Variants in MAP3K20 observed in about 807,000 individuals in gnomAD.
The protein encoded by MAP3K20 is mitogen-activated protein kinase kinase kinase 20.
A neutral mutation model predicts 85.7 loss-of-function variants in MAP3K20; 40 were observed. That is an observed-to-expected ratio of 0.47 (90% CI 0.36 to 0.61). MAP3K20 has a LOEUF of 0.61. MAP3K20 is among the 20% of genes least tolerant of loss of function. MAP3K20 has a pLI of 0.00. For missense variants in MAP3K20, 817 were observed against 961.7 expected (o/e 0.85, Z 1.99); for synonymous variants, 325 against 327.7 (o/e 0.99, Z 0.09).
chr2:173,110,988 T>C (rs1377113926), intron 2 of MAP3K20, among the ~76,000 whole-genome samples: 1 of 152,214 alleles, frequency 6.6e-6, no homozygotes, highest in Admixed American at 6.5e-5. Context: ...TACTTTTAGT[T>C]CTTTAAGGAA....
intron 2 of MAP3K20, among the ~76,000 whole-genome samples, chr2:173,125,238 CTCTTA>C (rs1424924406): frequency 4.6e-5 from 7 of 152,204 alleles, no homozygotes; most frequent in Non-Finnish European, 8.8e-5. Context: ...CTTATAGAAT[CTCTTA>C]TCTTCTAAAA....
At chr2:173,259,115 T>C (rs1685228917) in intron 17 of MAP3K20, among the ~76,000 whole-genome samples, 1 of 152,184 alleles carries the variant, frequency 6.6e-6, no homozygotes, top group African/African-American at 2.4e-5. Flanking sequence ...GGAGGGAAAA[T>C]GTGAACGATG....
intron 3 of MAP3K20, among the ~76,000 whole-genome samples, chr2:173,170,481 T>C (rs753410351): frequency 5.9e-5 from 9 of 152,220 alleles, no homozygotes; most frequent in Non-Finnish European, 1.2e-4. Flanking sequence ...GACACATATC[T>C]TCAATACTTT....
At chr2:173,197,907 C>T in intron 7 of MAP3K20, 119 bp from the exon 8 acceptor site, 1 of 662,762 alleles carries the variant, frequency 1.5e-6, no homozygotes, top group Non-Finnish European at 2.4e-6. Flanking sequence ...CAAGTTTCTA[C>T]AGTTGGGGTT....
At chr2:173,242,699 CTTTTTTTTTT>C (rs68173816) in intron 16 of MAP3K20, among the ~76,000 whole-genome samples, 1 of 80,968 alleles carries the variant, frequency 1.2e-5, no homozygotes. Flanking sequence ...AGTAATCTTT[CTTTTTTTTTT>C]TTTTTTTTTT....
rs752039099 is a variant in MAP3K20, at chr2:173,263,866, ATGGCAACCC to A, written c.1677_1685del (p.Asn560_Gly562del). On this transcript the variant is annotated inframe_deletion, in exon 19 of 20. Coordinates refer to ENST00000375213, the MANE Select transcript of MAP3K20 (RefSeq NM_016653.3). ...ATTCAGACATTATTCACCAATTCAG[ATGGCAACCC>A]TGGAAGCAGGTCCGACTCAAGTAAG... The A allele has an allele frequency of 6.2e-7, 1 of 1,612,384 alleles. No homozygotes were observed. Among genetic ancestry groups the A allele is most frequent in the Non-Finnish European group, 8.5e-7 (1 of 1,179,548 alleles).
In MAP3K20 at chr2:173,167,279, A is replaced by G. The variant is rs372519142; in HGVS notation, c.160-2526A>G. Reference sequence around the variant, plus strand: ...TATAAAGGCAAAATCCAGAGAGTATATCTGCTTGCTGTCAGAGGGTGATTG... The same window carrying G: ...TATAAAGGCAAAATCCAGAGAGTATGTCTGCTTGCTGTCAGAGGGTGATTG... On this transcript the variant is annotated intron_variant, in intron 2 of 19. Transcript: ENST00000375213. Among the ~76,000 whole-genome samples the G allele has an allele frequency of 6.6e-5, 10 of 152,144 alleles. No homozygotes were observed. In the East Asian group the frequency reaches 1.9e-3, roughly 29 times the overall value.
chr2:173,203,587 A>G, intron 8 of MAP3K20, among the ~76,000 whole-genome samples: 1 of 152,196 alleles, frequency 6.6e-6, no homozygotes, highest in Non-Finnish European at 1.5e-5. Flanking sequence ...CGTTCACTAC[A>G]GTTCCCTTTC....
intron 10 of MAP3K20, 61 bp downstream of exon 10, chr2:173,209,896 T>C: frequency 1.5e-6 from 2 of 1,356,146 alleles, no homozygotes; most frequent in Admixed American, 1.7e-5. Flanking sequence ...CTCGTCTCAA[T>C]GAAGAAGTGA....
chr2:173,263,373 T>C (rs1034171647), intron 18 of MAP3K20, among the ~76,000 whole-genome samples: 2 of 152,246 alleles, frequency 1.3e-5, no homozygotes, highest in African/African-American at 4.8e-5. Context: ...ATAGAAGATG[T>C]AATTTTTTAT....
intron 2 of MAP3K20, among the ~76,000 whole-genome samples, chr2:173,097,874 A>G (rs914888484): frequency 2.0e-5 from 3 of 152,214 alleles, no homozygotes; most frequent in Non-Finnish European, 4.4e-5. Flanking sequence ...AGCTTTTATT[A>G]TACTCAGTTA....
chr2:173,120,178 TTCCTTC>T (rs1688240948), intron 2 of MAP3K20, among the ~76,000 whole-genome samples: 1 of 152,196 alleles, frequency 6.6e-6, no homozygotes, highest in South Asian at 2.1e-4. Context: ...GATCTCTGAC[TTCCTTC>T]TCCACGTGTC....
chr2:173,260,777 A>G (rs1436116128), intron 17 of MAP3K20, among the ~76,000 whole-genome samples: 2 of 152,242 alleles, frequency 1.3e-5, no homozygotes, highest in Non-Finnish European at 2.9e-5. Flanking sequence ...AGAATTAATG[A>G]CCTAATGATA....
chr2:173,106,145 C>G (rs945133169), intron 2 of MAP3K20, among the ~76,000 whole-genome samples: 7 of 152,070 alleles, frequency 4.6e-5, no homozygotes, highest in Non-Finnish European at 8.8e-5. Context: ...AATATAATCC[C>G]AAATCATAAC....
At chr2:173,145,407 A>G (rs910815326) in intron 2 of MAP3K20, among the ~76,000 whole-genome samples, 4 of 152,246 alleles carry the variant, frequency 2.6e-5, no homozygotes, top group African/African-American at 7.2e-5. Flanking sequence ...AGAATATTTA[A>G]AGAACTCCTG....
chr2:173,187,076 G>A (rs952709231), intron 4 of MAP3K20, among the ~76,000 whole-genome samples: 10 of 152,172 alleles, frequency 6.6e-5, no homozygotes, highest in African/African-American at 2.4e-4. Context: ...AATGGGTACT[G>A]AGAAAAAGCC....
chr2:173,239,519 T>C, intron 16 of MAP3K20, 23 bp downstream of exon 16: 6 of 1,602,518 alleles, frequency 3.7e-6, no homozygotes, highest in Non-Finnish European at 5.1e-6. Context: ...TTAAATCCTT[T>C]GGATAAATCT....
chr2:173,221,195 G>C, intron 11 of MAP3K20: 1 of 1,573,160 alleles, frequency 6.4e-7, no homozygotes, highest in Non-Finnish European at 8.7e-7. Context: ...GTCTTACTTT[G>C]AATCTAAAAC....
chr2:173,232,604 A>G, intron 14 of MAP3K20, 145 bp downstream of exon 14: 1 of 1,257,014 alleles, frequency 8.0e-7, no homozygotes, highest in Non-Finnish European at 1.1e-6. Flanking sequence ...CCTGGGTTCA[A>G]GTGATTCTCC....
Sources: allele counts gnomAD v4.1 joint callset (sites outside exome capture counted in the v4.1 genomes callset), GRCh38; gene constraint gnomAD v4.1.1; transcripts MANE v1.5; gene names NCBI Gene and HGNC (gene_info 2026-07-23, HGNC 2026-07-21).